Variants in PLRG1 observed in about 807,000 individuals in gnomAD.
PLRG1 encodes pleiotropic regulator 1, also known as pleiotropic regulator 1 (PRL1 homolog, Arabidopsis).
PLRG1 carries 28 observed loss-of-function variants against 74.9 expected under a neutral mutation model. The ratio of observed to expected loss-of-function variants is 0.37; its 90% confidence interval spans 0.28 to 0.51. The LOEUF is 0.51. Ranked by LOEUF, PLRG1 falls within the 20% of genes least tolerant of loss-of-function variation. The pLI is 0.91. For synonymous variants in PLRG1, 197 were observed against 212.4 expected, an observed-to-expected ratio of 0.93 and a Z score of 0.63; for missense variants, 445 against 631.9, an observed-to-expected ratio of 0.70 and a Z score of 3.17.
chr4:154,544,593 G>T, intron 6 of PLRG1, 47 bp from the exon 7 acceptor site: 1 of 974,398 alleles, frequency 1.0e-6, no homozygotes, highest in Non-Finnish European at 1.6e-6. Context: ...TCATACCTAA[G>T]GCTTCATGAT....
At chr4:154,546,000 T>C in intron 5 of PLRG1, 77 bp from the exon 6 acceptor site, 1 of 1,112,664 alleles carries the variant, frequency 9.0e-7, no homozygotes, top group Non-Finnish European at 1.3e-6. Flanking sequence ...CCCTTTATTT[T>C]AAATTGTTAT....
At chr4:154,541,541 A>C (rs1382378173) in intron 8 of PLRG1, among the ~76,000 whole-genome samples, 1 of 152,178 alleles carries the variant, frequency 6.6e-6, no homozygotes, top group Non-Finnish European at 1.5e-5. Context: ...TTATATACAA[A>C]ACTTAACAGC....
At chr4:154,538,770 A>G (rs1345793433) in intron 12 of PLRG1, among the ~76,000 whole-genome samples, 1 of 152,154 alleles carries the variant, frequency 6.6e-6, no homozygotes. Context: ...AAACTATTCA[A>G]TGAATGTCTC....
At chr4:154,544,935 T>C (rs1729622062) in intron 6 of PLRG1, among the ~76,000 whole-genome samples, 2 of 152,376 alleles carry the variant, frequency 1.3e-5, no homozygotes, top group South Asian at 2.1e-4. Flanking sequence ...TCATTTTAAG[T>C]GTATTAGTGC....
rs919537918 is a variant in PLRG1, at chr4:154,535,737, T to C, written c.*948A>G. On this transcript the variant is annotated 3_prime_UTR_variant, in exon 15 of 15. Coordinates refer to ENST00000499023, the MANE Select transcript of PLRG1 (RefSeq NM_002669.4). ...GAAACTTTAAAACTTCTCTTTAAAATCTCCGCAAGATTGCAGCCCTTGCTA... is the reference window on the plus strand; with the variant it reads ...GAAACTTTAAAACTTCTCTTTAAAACCTCCGCAAGATTGCAGCCCTTGCTA... 2.6e-5 allele frequency: 4 copies of C among 152,046 alleles called. No individual in the cohort carries two copies. Among genetic ancestry groups the C allele is most frequent in the Non-Finnish European group, 5.9e-5 (4 of 67,992 alleles). 9.4% of individuals were successfully genotyped at this position (152,046 alleles called of 1,614,324 possible).
chr4:154,549,386 TG>T lies in PLRG1; in HGVS notation c.10-452del, dbSNP rs570079015. ...ATAATTGTGAAAGATTTCACTAAGGTGATATTTAAGCAGAAAGGGAGTTAGC... is the reference window on the plus strand; with the variant it reads ...ATAATTGTGAAAGATTTCACTAAGGTATATTTAAGCAGAAAGGGAGTTAGC... On this transcript the variant is annotated intron_variant, in intron 1 of 14. Transcript: ENST00000499023. Among the ~76,000 whole-genome samples, 359 of 152,222 alleles carry T rather than the reference TG, an allele frequency of 2.4e-3. 4 individuals are homozygous for T. The highest frequency in any genetic ancestry group is 8.5e-3 in the African/African-American group (353 of 41,526).
rs769122749 is a variant in PLRG1 at position 154,539,236 on chromosome 4, C to T, written c.1043-23G>A. Reference sequence around the variant, plus strand: ...TTCCTGTAATGGAAACACATATATCCCTCAAAACATAGACCAGGAAAAATA... The same window carrying T: ...TTCCTGTAATGGAAACACATATATCTCTCAAAACATAGACCAGGAAAAATA... On this transcript the variant is annotated intron_variant, in intron 11 of 14. Coordinates refer to ENST00000499023, the MANE Select transcript of PLRG1 (RefSeq NM_002669.4). The T allele has an allele frequency of 4.6e-6, 6 of 1,306,416 alleles. No homozygotes were observed. The Admixed American group carries it at 1.0e-4, about 22-fold the overall frequency. 80.9% of individuals were successfully genotyped at this position (1,306,416 alleles called of 1,614,324 possible).
chr4:154,538,109 C>G lies in PLRG1; in HGVS notation c.1152-1G>C. The G allele has an allele frequency of 7.0e-7, 1 of 1,419,980 alleles. No homozygotes were observed. 88.0% of individuals were successfully genotyped at this position (1,419,980 alleles called of 1,614,324 possible). A position where few individuals can be genotyped will look rare whatever the true frequency, so the allele number is the denominator to read the frequency against. On this transcript the variant is annotated splice_acceptor_variant, in intron 12 of 14. Coordinates refer to ENST00000499023, the MANE Select transcript of PLRG1 (RefSeq NM_002669.4). LOFTEE classifies it high-confidence loss of function. ...TGGAGAACCAGATGCAAATGTGTAA[C>G]TGAAATAATATTAAAAAGAATTAAC...
chr4:154,546,860 G>A lies in PLRG1; in HGVS notation c.313+151C>T, dbSNP rs941633148. 3.5e-5 allele frequency: 23 copies of A among 658,642 alleles called. No homozygotes were observed. In the Middle Eastern group the frequency reaches 2.2e-3, roughly 63 times the overall value. 40.8% of individuals were successfully genotyped at this position (658,642 alleles called of 1,614,324 possible). A position where few individuals can be genotyped will look rare whatever the true frequency, so the allele number is the denominator to read the frequency against. On this transcript the variant is annotated intron_variant, in intron 4 of 14. Coordinates refer to ENST00000499023, the MANE Select transcript of PLRG1 (RefSeq NM_002669.4). ...ATGTTTGCTGAATGAAGGCATATGA[G>A]TATTCATTATTACCTACAAAGCTAT...
rs1338953021 is a variant in PLRG1 at position 154,547,083 on chromosome 4, A to C, written c.260-19T>G. ...TCTTGTCCTAAAAAAACACAAAAAA[A>C]ATCAACAGTAGTGAATTTACCTTAT... is the stretch of plus-strand genomic sequence containing the variant. On this transcript the variant is annotated intron_variant, in intron 3 of 14. Transcript: ENST00000499023. 1 of 1,588,138 alleles carries C rather than the reference A, an allele frequency of 6.3e-7. No individual in the cohort carries two copies. Among genetic ancestry groups the C allele is most frequent in the African/African-American group, 1.3e-5 (1 of 74,558 alleles).
At chr4:154,543,186 C>T (rs1033971501) in intron 7 of PLRG1, among the ~76,000 whole-genome samples, 9 of 152,222 alleles carry the variant, frequency 5.9e-5, no homozygotes, top group Non-Finnish European at 8.8e-5. Context: ...GTCACTCTGT[C>T]GCCCAGGCTG....
chr4:154,546,733 C>T (rs568279892), intron 4 of PLRG1: 7 of 466,832 alleles, frequency 1.5e-5, no homozygotes, highest in South Asian at 2.8e-5. Flanking sequence ...GTGATATTTA[C>T]ATGTCTGCCT....
At position 154,540,948 on chromosome 4, in the gene PLRG1, ATATT is replaced by A. The variant is rs775529491; in HGVS notation, c.688-18_688-15del. On this transcript the variant is annotated splice_polypyrimidine_tract_variant and intron_variant, in intron 8 of 14. Coordinates refer to ENST00000499023, the MANE Select transcript of PLRG1 (RefSeq NM_002669.4). ...CAAGTCCCAGATCTGCAATCAAAGA[ATATT>A]TATTTTTTTCTTTCACTGGTTACTG... 2.6e-6 allele frequency: 4 copies of A among 1,567,734 alleles called. No individual in the cohort carries two copies. Among genetic ancestry groups the A allele is most frequent in the Non-Finnish European group, 3.4e-6 (4 of 1,161,424 alleles).
intron 6 of PLRG1, among the ~76,000 whole-genome samples, chr4:154,545,139 GC>G (rs1729627295): frequency 6.6e-6 from 1 of 152,096 alleles, no homozygotes; most frequent in Non-Finnish European, 1.5e-5. Context: ...CCCTCAAGAA[GC>G]TTAAATTATA....
intron 7 of PLRG1, among the ~76,000 whole-genome samples, chr4:154,543,036 G>A (rs1401884285): frequency 1.3e-5 from 2 of 152,194 alleles, no homozygotes; most frequent in Non-Finnish European, 2.9e-5. Flanking sequence ...CTACAGTTAA[G>A]AGTAATTTAT....
intron 1 of PLRG1, chr4:154,549,608 T>C: frequency 2.2e-6 from 1 of 449,160 alleles, no homozygotes; most frequent in Non-Finnish European, 4.5e-6. Flanking sequence ...TATATTTTGT[T>C]CTAGCAACAT....
chr4:154,538,217 T>C, intron 12 of PLRG1, 109 bp from the exon 13 acceptor site: 1 of 479,484 alleles, frequency 2.1e-6, no homozygotes. Flanking sequence ...CTCAATGATT[T>C]ATATATTCAG....
intron 14 of PLRG1, among the ~76,000 whole-genome samples, chr4:154,537,015 A>G (rs1729463983): frequency 6.6e-6 from 1 of 152,094 alleles, no homozygotes; most frequent in Non-Finnish European, 1.5e-5. Flanking sequence ...TGATTCTCGA[A>G]TTAATTTACA....
intron 10 of PLRG1, 36 bp from the exon 11 acceptor site, chr4:154,540,089 T>G (rs376737702): frequency 9.4e-7 from 1 of 1,069,184 alleles, no homozygotes; most frequent in African/African-American, 1.6e-5. Context: ...GGAAAGAGAA[T>G]AGGTATTCAT....
Sources: allele counts gnomAD v4.1 joint callset (sites outside exome capture counted in the v4.1 genomes callset), GRCh38; gene constraint gnomAD v4.1.1; transcripts MANE v1.5; gene names NCBI Gene and HGNC (gene_info 2026-07-23, HGNC 2026-07-21).